The following PRUNE2 variants were observed in gnomAD, a reference collection of about 807,000 sequenced individuals.
The protein encoded by PRUNE2 is prune homolog 2 with BCH domain.
Under a neutral mutation model 252.0 loss-of-function variants are expected in PRUNE2, and 164 were observed. The ratio of observed to expected loss-of-function variants is 0.65; its 90% CI spans 0.57 to 0.74. The LOEUF (loss-of-function observed/expected upper bound fraction) is 0.74. PRUNE2 is among the 30% of genes least tolerant of loss of function. PRUNE2 has a pLI of 0.00. For missense variants in PRUNE2, 3,495 were observed against 3,711.0 expected (o/e 0.94, Z 1.51); for synonymous variants, 1,292 against 1,350.2 (o/e 0.96, Z 0.94).
chr9:76,709,422 G>A lies in PRUNE2; in HGVS notation c.2852C>T (p.Ala951Val), dbSNP rs2134967249. The A allele has an allele frequency of 6.2e-7, 1 of 1,613,992 alleles. No homozygotes were observed. The highest frequency in any genetic ancestry group is 2.2e-5 in the East Asian group (1 of 44,894). The change falls in exon 8 of 19, where the codon GCA (alanine) becomes GTA (valine). Residue 951 changes from alanine (A) to valine (V), a missense_variant. Physicochemically the swap from Ala to Val is moderately conservative, Grantham distance 64 (BLOSUM62 0). Coordinates refer to ENST00000376718, the MANE Select transcript of PRUNE2 (RefSeq NM_015225.3). ...CACCGAATCTTCTCCTAGGTTGGAT[G>A]CACTGTAATCAGAACATTTGTAAGA... ...FLSYKCSDYS[A>V]SNLGEDSVPS...
chr9:76,829,186 G>A (rs1003988580), intron 4 of PRUNE2, among the ~76,000 whole-genome samples: 1 of 152,132 alleles, frequency 6.6e-6, no homozygotes, highest in Non-Finnish European at 1.5e-5. Context: ...AGTTACCCAA[G>A]TAACTGTCTT....
At position 76,706,034 on chromosome 9, in the gene PRUNE2, C is replaced by G. The variant is rs761656130; in HGVS notation, c.6240G>C (p.Leu2080Phe). 1 of 1,614,040 alleles carries G rather than the reference C, an allele frequency of 6.2e-7. No individual in the cohort carries two copies. The highest frequency in any genetic ancestry group is 1.3e-5 in the African/African-American group (1 of 75,056). Residue 2080 changes from leucine to phenylalanine, a missense_variant, in exon 8 of 19, where the codon TTG becomes TTC. By Grantham distance (22) the Leu-to-Phe change is conservative. Transcript: ENST00000376718. ...TATCAGGATTCTCACCATCTGCTTT[C>G]AAACTGAAGGGCTTCTTAGCATCTA... Reference protein sequence around the residue: ...LWIDAKKPFSLKADGENPDIL... With the variant: ...LWIDAKKPFSFKADGENPDIL...
Position 76,710,133 on chromosome 9 carries a change from C to T in PRUNE2, c.2141G>A (p.Gly714Asp). Residue 714 changes from glycine (G) to aspartate (D), a missense_variant, in exon 8 of 19, where the codon GGT (glycine) becomes GAT (aspartate). Coordinates refer to ENST00000376718, the MANE Select transcript of PRUNE2 (RefSeq NM_015225.3). ...QPKSLEFTKS[G>D]PWESEFGQPE... The stretch of plus-strand genomic sequence containing the variant: ...CTGACCAAATTCAGACTCCCAGGGA[C>T]CTGACTTTGTAAATTCGAGGCTCTT... 1 of 1,613,912 alleles carries T rather than the reference C, an allele frequency of 6.2e-7. No individual in the cohort carries two copies. Among genetic ancestry groups the T allele is most frequent in the South Asian group, 1.1e-5 (1 of 91,076 alleles).
intron 4 of PRUNE2, among the ~76,000 whole-genome samples, chr9:76,838,778 C>T (rs1047194438): frequency 8.6e-5 from 13 of 151,378 alleles, no homozygotes; most frequent in Admixed American, 3.9e-4. Flanking sequence ...TACCAGTTAA[C>T]GCTAGTTAGG....
intron 6 of PRUNE2, among the ~76,000 whole-genome samples, chr9:76,772,363 C>T (rs2053208667): frequency 6.6e-6 from 1 of 151,960 alleles, no homozygotes; most frequent in Non-Finnish European, 1.5e-5. Context: ...TGGCAATAGT[C>T]ATTTTGGGGG....
In PRUNE2 at chr9:76,705,080, C is replaced by T; in HGVS notation, c.7194G>A (p.Leu2398=). 1.9e-6 allele frequency: 3 copies of T among 1,613,964 alleles called. No homozygotes were observed. Among genetic ancestry groups the T allele is most frequent in the Non-Finnish European group, 2.5e-6 (3 of 1,179,898 alleles). ...TCTGGGCAGGTTCTGTGAGATAAGA[C>T]AAATCAAAGGGAGGTGTGTACGGTG... ...SLAPYTPPFD[L]SYLTEPAQSA... is the part of the protein sequence containing the mutation. Residue 2398 remains leucine (L), a synonymous_variant, in exon 8 of 19, where the codon TTG becomes TTA. Transcript: ENST00000376718.
At chr9:76,649,708 T>A (rs951785977) in intron 11 of PRUNE2, among the ~76,000 whole-genome samples, 1 of 152,166 alleles carries the variant, frequency 6.6e-6, no homozygotes, top group African/African-American at 2.4e-5. Flanking sequence ...CCTCAAGTAT[T>A]CCATTTTGCT....
At position 76,664,377 on chromosome 9, in the gene PRUNE2, A is replaced by G. The variant is rs2039720793; in HGVS notation, c.8277-8875T>C. Among the ~76,000 whole-genome samples the G allele has an allele frequency of 2.0e-5, 3 of 152,246 alleles. No individual in the cohort carries two copies. In the South Asian group the frequency reaches 6.2e-4, roughly 31 times the overall value. On this transcript the variant is annotated intron_variant, in intron 9 of 18. Transcript: ENST00000376718. ...GAGCCATCTTGGAGGCAGATCCTGCAGCCTGGCTAATGTCTTGATGGCAAC... is the reference window on the plus strand; with the variant it reads ...GAGCCATCTTGGAGGCAGATCCTGCGGCCTGGCTAATGTCTTGATGGCAAC...
intron 6 of PRUNE2, among the ~76,000 whole-genome samples, chr9:76,734,152 C>T (rs144922435): frequency 7.5e-4 from 114 of 152,170 alleles, no homozygotes; most frequent in African/African-American, 2.3e-3. Context: ...CAAAAAGGAC[C>T]TCCCTGGAGG....
intron 5 of PRUNE2, among the ~76,000 whole-genome samples, chr9:76,824,111 G>C (rs2058204046): frequency 6.6e-6 from 1 of 152,152 alleles, no homozygotes; most frequent in Non-Finnish European, 1.5e-5. Flanking sequence ...TAAGCAGGAA[G>C]AAGGCAAGGA....
At chr9:76,729,834 A>T (rs757875845) in intron 6 of PRUNE2, among the ~76,000 whole-genome samples, 2 of 152,188 alleles carry the variant, frequency 1.3e-5, no homozygotes, top group Non-Finnish European at 2.9e-5. Flanking sequence ...TACATATAAA[A>T]TTTAATTTTC....
chr9:76,774,462 T>TTA (rs764639915), intron 6 of PRUNE2, among the ~76,000 whole-genome samples: 1 of 104,252 alleles, frequency 9.6e-6, no homozygotes, highest in Non-Finnish European at 2.2e-5. Flanking sequence ...TTTTTTTTTT[T>TTA]TTTTTTTTTT....
rs374247754 is a variant in PRUNE2, at chr9:76,837,445, A to ATT, written c.508+9069_508+9070insAA. ...GACACAGTGAGACTCTGTCTCAAAT[A>ATT]ATAATAATAATAATAATAATAATAA... On this transcript the variant is annotated intron_variant, in intron 4 of 18. Coordinates refer to ENST00000376718, the MANE Select transcript of PRUNE2 (RefSeq NM_015225.3). 6.5e-4 allele frequency among the ~76,000 whole-genome samples: 41 copies of ATT among 62,992 alleles called. No individual in the cohort carries two copies. The South Asian group carries it at 8.7e-3, about 13-fold the overall frequency. The allele number at this position is 62,992 out of a possible 152,430, so 41.3% of individuals were successfully genotyped here.
intron 9 of PRUNE2, among the ~76,000 whole-genome samples, chr9:76,697,134 T>A (rs2134609661): frequency 6.6e-6 from 1 of 152,226 alleles, no homozygotes; most frequent in Middle Eastern, 3.4e-3. Context: ...TCATAGAGAT[T>A]TTTTTCCCCC....
At chr9:76,661,258 T>C in intron 9 of PRUNE2, among the ~76,000 whole-genome samples, 1 of 152,200 alleles carries the variant, frequency 6.6e-6, no homozygotes, top group Non-Finnish European at 1.5e-5. Flanking sequence ...TTTATCATTA[T>C]TGTTAGTATT....
intron 6 of PRUNE2, among the ~76,000 whole-genome samples, chr9:76,814,890 G>A (rs544398292): frequency 1.3e-5 from 2 of 152,268 alleles, no homozygotes; most frequent in East Asian, 1.9e-4. Context: ...CGAGTCAACC[G>A]TATTTGGGCT....
chr9:76,806,489 C>A (rs1271743904), intron 6 of PRUNE2, among the ~76,000 whole-genome samples: 1 of 151,370 alleles, frequency 6.6e-6, no homozygotes, highest in Non-Finnish European at 1.5e-5. Flanking sequence ...GAGGGGCTTA[C>A]CATGTGTCAG....
Position 76,709,388 on chromosome 9 carries a change from G to A in PRUNE2, c.2886C>T (p.Pro962=). ...SNLGEDSVPS[P]LDTNYSTSDS... ...CTGAGGTGGAATAATTGGTATCTAAGGGGGAAGGCACCGAATCTTCTCCTA... is the reference window on the plus strand; with the variant it reads ...CTGAGGTGGAATAATTGGTATCTAAAGGGGAAGGCACCGAATCTTCTCCTA... The change falls in exon 8 of 19, where the codon CCC becomes CCT. Residue 962 remains proline, a synonymous_variant. Transcript: ENST00000376718. The A allele has an allele frequency of 6.2e-6, 10 of 1,614,018 alleles. No homozygotes were observed. Among genetic ancestry groups the A allele is most frequent in the Non-Finnish European group, 8.5e-6 (10 of 1,179,876 alleles).
intron 6 of PRUNE2, among the ~76,000 whole-genome samples, chr9:76,731,306 CTATCTA>C (rs1427985901): frequency 0.012 from 439 of 37,006 alleles, 5 homozygotes; most frequent in African/African-American, 0.041. Context: ...ATCTATCTAT[CTATCTA>C]TATATATATA....
Sources: gnomAD v4.1 joint callset for allele counts (sites outside exome capture counted in the v4.1 genomes callset) on GRCh38, gnomAD v4.1.1 for gene constraint, MANE v1.5 for transcripts, NCBI Gene and HGNC (gene_info 2026-07-23, HGNC 2026-07-21) for gene names.